The following ATR variants were observed in gnomAD, a reference collection of about 807,000 sequenced individuals.
ATR encodes the protein ATR checkpoint kinase, also known as serine/threonine-protein kinase ATR.
Under a neutral mutation model 305.3 loss-of-function variants are expected in ATR, and 142 were observed. That is an observed-to-expected ratio of 0.47 (90% CI 0.41 to 0.53). ATR has a LOEUF of 0.53. ATR is among the 20% of genes least tolerant of loss of function. ATR has a pLI of 0.00. For synonymous variants in ATR, 1,050 were observed against 1,068.1 expected, an observed-to-expected ratio of 0.98 and a Z score of 0.33; for missense variants, 2,135 against 3,133.1, an observed-to-expected ratio of 0.68 and a Z score of 7.60.
chr3:142,458,832 CAAATTCTCAGT>C lies in ATR; in HGVS notation c.7503+115_7503+125del, dbSNP rs537967359. On this transcript the variant is annotated intron_variant, in intron 44 of 46. Transcript: ENST00000350721. ...TGATCCACTGATGAAAACTAGTCAA[CAAATTCTCAGT>C]ATAACTCAACTGTGAGTATAACTGC... The C allele has an allele frequency of 4.7e-3, 5,504 of 1,166,172 alleles. 45 individuals are homozygous for C. The highest frequency in any genetic ancestry group is 0.026 in the South Asian group (1,889 of 73,626). 72.2% of individuals were successfully genotyped at this position (1,166,172 alleles called of 1,614,324 possible).
At chr3:142,564,264 T>C (rs1418893019) in intron 3 of ATR, among the ~76,000 whole-genome samples, 1 of 152,212 alleles carries the variant, frequency 6.6e-6, no homozygotes, top group Non-Finnish European at 1.5e-5. Context: ...TTTATTGTAG[T>C]GGTCTGGAAC....
intron 29 of ATR, among the ~76,000 whole-genome samples, chr3:142,504,381 A>G (rs1008512122): frequency 2.6e-5 from 4 of 152,220 alleles, no homozygotes; most frequent in African/African-American, 9.6e-5. Flanking sequence ...TTATTAAATG[A>G]ACATTTTAAT....
intron 36 of ATR, among the ~76,000 whole-genome samples, chr3:142,473,504 G>T (rs1381882541): frequency 6.6e-6 from 1 of 150,788 alleles, no homozygotes; most frequent in African/African-American, 2.4e-5. Context: ...TAGCTTTGTG[G>T]TATAATTTTG....
chr3:142,512,187 A>C, intron 27 of ATR, 73 bp downstream of exon 27: 1 of 1,309,336 alleles, frequency 7.6e-7, no homozygotes, highest in Non-Finnish European at 1.1e-6. Context: ...AAATTATAGA[A>C]CTGATAAAGG....
chr3:142,462,729 A>G (rs1047129518), intron 41 of ATR, among the ~76,000 whole-genome samples: 4 of 152,104 alleles, frequency 2.6e-5, no homozygotes, highest in African/African-American at 9.7e-5. Context: ...CGGCCTCCCA[A>G]AGTGCTGGGA....
chr3:142,566,057 A>T (rs2108493490), intron 3 of ATR, 64 bp downstream of exon 3: 2 of 1,598,946 alleles, frequency 1.3e-6, no homozygotes. Flanking sequence ...ATATTTCAGA[A>T]GAGCAGTAAA....
At chr3:142,480,941 C>T (rs1434106947) in intron 36 of ATR, among the ~76,000 whole-genome samples, 4 of 152,204 alleles carry the variant, frequency 2.6e-5, no homozygotes, top group Admixed American at 6.5e-5. Context: ...TGGAAAAGCG[C>T]AGTATTAGGG....
intron 3 of ATR, among the ~76,000 whole-genome samples, chr3:142,565,733 TAA>T (rs55690216): frequency 0.024 from 1,940 of 79,258 alleles, 21 homozygotes; most frequent in South Asian, 0.052. Context: ...CTGTCTTATT[TAA>T]AAAAAAAAAA....
At position 142,468,152 on chromosome 3, in the gene ATR, TAAA is replaced by T. The variant is rs1196572472; in HGVS notation, c.6553-87_6553-85del. 2.7e-6 allele frequency: 4 copies of T among 1,487,162 alleles called. No homozygotes were observed. The Admixed American group carries it at 5.4e-5, about 20-fold the overall frequency. The allele number at this position is 1,487,162 out of a possible 1,614,324, so 92.1% of individuals were successfully genotyped here. A position where few individuals can be genotyped will look rare whatever the true frequency, so the allele number is the denominator to read the frequency against. On this transcript the variant is annotated intron_variant, in intron 38 of 46. Transcript: ENST00000350721. Reference sequence around the variant, plus strand: ...TAAATTTTTTGCTTGACAAAAAACTTAAAAAGTATTCATGATGAGAGTTTATAT... The same window carrying T: ...TAAATTTTTTGCTTGACAAAAAACTTAAGTATTCATGATGAGAGTTTATAT...
chr3:142,518,114 C>CT (rs2108385204), intron 24 of ATR, among the ~76,000 whole-genome samples: 1 of 152,316 alleles, frequency 6.6e-6, no homozygotes, highest in African/African-American at 2.4e-5. Context: ...TACAGAAATT[C>CT]TTTGACATCT....
intron 28 of ATR, among the ~76,000 whole-genome samples, chr3:142,506,379 A>G (rs1381653488): frequency 6.6e-6 from 1 of 152,198 alleles, no homozygotes; most frequent in Non-Finnish European, 1.5e-5. Flanking sequence ...GAATTTTGAC[A>G]GGAAGAAATC....
intron 30 of ATR, among the ~76,000 whole-genome samples, chr3:142,502,163 TAG>T (rs765991055): frequency 2.0e-5 from 3 of 152,192 alleles, no homozygotes; most frequent in Non-Finnish European, 4.4e-5. Flanking sequence ...GAAGGCGGTT[TAG>T]AGATTTCCCA....
chr3:142,576,567 A>G (rs2035446918), intron 1 of ATR, among the ~76,000 whole-genome samples: 1 of 152,234 alleles, frequency 6.6e-6, no homozygotes, highest in Non-Finnish European at 1.5e-5. Context: ...TCTCTACTTC[A>G]ATGAATAAGA....
intron 1 of ATR, among the ~76,000 whole-genome samples, chr3:142,569,552 G>A (rs903322453): frequency 3.3e-5 from 5 of 151,910 alleles, no homozygotes; most frequent in Admixed American, 3.3e-4. Flanking sequence ...AATCTCCTGG[G>A]CTCAAGCGAT....
chr3:142,449,666 A>G (rs2108243028), intron 46 of ATR, 64 bp from the exon 47 acceptor site: 1 of 1,500,254 alleles, frequency 6.7e-7, no homozygotes, highest in East Asian at 2.4e-5. Flanking sequence ...ACCTTTCTTT[A>G]TATTTTGACA....
At chr3:142,462,220 C>A in intron 41 of ATR, 130 bp from the exon 42 acceptor site, 1 of 867,344 alleles carries the variant, frequency 1.2e-6, no homozygotes, top group Non-Finnish European at 1.8e-6. Flanking sequence ...ATGTGGTATA[C>A]ATGAATAATT....
At position 142,553,455 on chromosome 3, in the gene ATR, CACAT is replaced by C. The variant is rs1172629064; in HGVS notation, c.2634-61_2634-58del. 4.3e-3 allele frequency: 6,427 copies of C among 1,493,282 alleles called. 142 individuals are homozygous for C. In the African/African-American group the frequency reaches 0.08, roughly 19 times the overall value. The allele number at this position is 1,493,282 out of a possible 1,614,324, so 92.5% of individuals were successfully genotyped here. A position where few individuals can be genotyped will look rare whatever the true frequency, so the allele number is the denominator to read the frequency against. On this transcript the variant is annotated intron_variant, in intron 12 of 46. Coordinates refer to ENST00000350721, the MANE Select transcript of ATR (RefSeq NM_001184.4). ...ACAAACACACACACACACACACACA[CACAT>C]ACACACACATATGTATCTCCAATAT...
rs2034872710 is a variant in ATR at position 142,561,404 on chromosome 3, A to C, written c.1188T>G (p.Leu396=). 1.9e-6 allele frequency: 3 copies of C among 1,614,030 alleles called. No individual in the cohort carries two copies. Among genetic ancestry groups the C allele is most frequent in the African/African-American group, 1.3e-5 (1 of 75,036 alleles). Residue 396 remains leucine, a synonymous_variant, in exon 5 of 47, where the codon CTT becomes CTG. Coordinates refer to ENST00000350721, the MANE Select transcript of ATR (RefSeq NM_001184.4). ...TACTTTCCATTTTCAAAGCTGCATA[A>C]AGTGGGCCCAACAAGTACTGAGAAA... is the stretch of plus-strand genomic sequence containing the variant. ...EVDAEYLLGP[L]YAALKMESME... is the part of the protein sequence containing the mutation.
At chr3:142,450,391 A>C (rs902564775) in intron 46 of ATR, 4 of 1,548,516 alleles carry the variant, frequency 2.6e-6, no homozygotes, top group Admixed American at 1.7e-5. Flanking sequence ...CTTTATCAAA[A>C]TGGGGCTGCT....
Sources: gnomAD v4.1 joint callset for allele counts (sites outside exome capture counted in the v4.1 genomes callset) on GRCh38, gnomAD v4.1.1 for gene constraint, MANE v1.5 for transcripts, NCBI Gene and HGNC (gene_info 2026-07-23, HGNC 2026-07-21) for gene names.